Variants in NBAS observed in about 807,000 individuals in gnomAD.
NBAS encodes the protein NAG/BC035112 fusion.
Under a neutral mutation model 302.5 loss-of-function variants are expected in NBAS, and 219 were observed. The ratio of observed to expected loss-of-function variants is 0.72; its 90% CI spans 0.65 to 0.81. NBAS has a LOEUF of 0.81. Ranked by LOEUF, NBAS falls within the 30% of genes least tolerant of loss-of-function variation. NBAS has a pLI of 0.00. For missense variants in NBAS, 2,932 were observed against 2,841.6 expected (o/e 1.03, Z -0.72); for synonymous variants, 1,118 against 1,021.6 (o/e 1.09, Z -1.80).
At chr2:14,910,539 G>A in the NBAS span, among the ~76,000 whole-genome samples, 1 of 152,192 alleles carries the variant, frequency 6.6e-6, no homozygotes, top group Non-Finnish European at 1.5e-5. Context: ...TCTGAGCTAA[G>A]GAGACAAGAG....
At chr2:15,299,553 G>A (rs1213070309) in intron 40 of NBAS, among the ~76,000 whole-genome samples, 3 of 152,022 alleles carry the variant, frequency 2.0e-5, no homozygotes, top group Non-Finnish European at 4.4e-5. Flanking sequence ...TTTTCAATTA[G>A]TAGCTTAAAA....
At chr2:15,184,154 T>C (rs1029130276) in intron 50 of NBAS, among the ~76,000 whole-genome samples, 2 of 152,138 alleles carry the variant, frequency 1.3e-5, no homozygotes, top group Admixed American at 6.5e-5. Context: ...ATTACTGCCA[T>C]GGACACAGAT....
intron 32 of NBAS, among the ~76,000 whole-genome samples, chr2:15,359,889 A>G (rs1231047499): frequency 6.6e-6 from 1 of 152,112 alleles, no homozygotes; most frequent in Non-Finnish European, 1.5e-5. Context: ...GTCATTAGGC[A>G]TTTCCGTCTT....
the NBAS span, among the ~76,000 whole-genome samples, chr2:15,000,070 A>G: frequency 6.6e-6 from 1 of 152,216 alleles, no homozygotes; most frequent in African/African-American, 2.4e-5. Flanking sequence ...GTGAAAAATC[A>G]CAGTTCACTC....
intron 42 of NBAS, among the ~76,000 whole-genome samples, chr2:15,283,183 T>C (rs1237325319): frequency 6.6e-6 from 1 of 152,122 alleles, no homozygotes; most frequent in African/African-American, 2.4e-5. Flanking sequence ...ATAAATGTGG[T>C]ACTATTATAT....
chr2:15,533,563 G>A (rs569252707), intron 9 of NBAS, among the ~76,000 whole-genome samples: 2 of 152,214 alleles, frequency 1.3e-5, no homozygotes, highest in South Asian at 4.2e-4. Flanking sequence ...ATGAATGAGT[G>A]ATAAAACTAT....
intron 37 of NBAS, 34 bp downstream of exon 37, chr2:15,328,165 G>C (rs964725202): frequency 6.3e-7 from 1 of 1,584,888 alleles, no homozygotes; most frequent in South Asian, 1.1e-5. Flanking sequence ...CAGCATGACA[G>C]TTAAATCTAT....
rs1394972657 is a variant in NBAS at position 15,461,105 on chromosome 2, A to T, written c.2339+96T>A. 3 of 1,155,382 alleles carry T rather than the reference A, an allele frequency of 2.6e-6. No homozygotes were observed. The Admixed American group carries it at 6.9e-5, about 26-fold the overall frequency. 71.6% of individuals were successfully genotyped at this position (1,155,382 alleles called of 1,614,324 possible). A position where few individuals can be genotyped will look rare whatever the true frequency, so the allele number is the denominator to read the frequency against. On this transcript the variant is annotated intron_variant, in intron 21 of 51. Transcript: ENST00000281513. ...CAGGAAAAAAGTTTAAATATATTAC[A>T]TTAAAATTATTTTTTTTAACTTTAA...
chr2:15,155,134 A>G, the NBAS span, among the ~76,000 whole-genome samples: 1 of 152,214 alleles, frequency 6.6e-6, no homozygotes, highest in Non-Finnish European at 1.5e-5. Context: ...TCTCTAAAGG[A>G]TAGAGCAAGT....
chr2:15,431,713 G>A (rs955584105), intron 21 of NBAS, among the ~76,000 whole-genome samples: 13 of 152,078 alleles, frequency 8.5e-5, no homozygotes, highest in East Asian at 3.9e-4. Context: ...CAGAATCTAC[G>A]GTCTGAGAGT....
At chr2:15,041,840 T>C in the NBAS span, among the ~76,000 whole-genome samples, 171 of 152,282 alleles carry the variant, frequency 1.1e-3, 1 homozygote, top group Admixed American at 5.4e-3. Context: ...TGGTGTTCTA[T>C]TTTTTTCTTT....
At chr2:15,120,320 A>G in the NBAS span, among the ~76,000 whole-genome samples, 1 of 152,282 alleles carries the variant, frequency 6.6e-6, no homozygotes, top group South Asian at 2.1e-4. Flanking sequence ...ACAAACCTAC[A>G]ATGTGGATAT....
chr2:15,441,145 A>C (rs1478039233), intron 21 of NBAS, among the ~76,000 whole-genome samples: 1 of 152,214 alleles, frequency 6.6e-6, no homozygotes, highest in Non-Finnish European at 1.5e-5. Context: ...AGATTCAGGA[A>C]ATACAGAGAA....
At chr2:15,436,302 T>C (rs7603284) in intron 21 of NBAS, among the ~76,000 whole-genome samples, 2,642 of 152,330 alleles carry the variant, frequency 0.017, 68 homozygotes, top group African/African-American at 0.06. Context: ...TCACTGCTAC[T>C]GTAATTATTT....
chr2:15,378,236 A>T (rs1271768668), intron 30 of NBAS, among the ~76,000 whole-genome samples: 1 of 152,218 alleles, frequency 6.6e-6, no homozygotes, highest in Non-Finnish European at 1.5e-5. Flanking sequence ...ATGAATGAGG[A>T]TCAACACAAC....
the NBAS span, among the ~76,000 whole-genome samples, chr2:15,002,102 T>TA: frequency 6.6e-6 from 1 of 151,940 alleles, no homozygotes; most frequent in African/African-American, 2.4e-5. Context: ...ATTAGCTAGA[T>TA]ACAGAGTGTC....
chr2:15,082,231 A>T, the NBAS span, among the ~76,000 whole-genome samples: 58,179 of 152,028 alleles, frequency 0.38, 15,506 homozygotes, highest in African/African-American at 0.76. Context: ...ACAGCTCCTT[A>T]CTTATGCCCC....
intron 47 of NBAS, among the ~76,000 whole-genome samples, chr2:15,225,825 T>C (rs1351973067): frequency 6.6e-6 from 1 of 152,190 alleles, no homozygotes; most frequent in Admixed American, 6.5e-5. Context: ...CTCACGCTTG[T>C]GGGACATTCC....
At chr2:15,296,545 A>T (rs111409124) in intron 40 of NBAS, among the ~76,000 whole-genome samples, 1 of 28,132 alleles carries the variant, frequency 3.6e-5, no homozygotes, top group African/African-American at 1.3e-3. Flanking sequence ...AAAACAAAAC[A>T]AAAAAAAAAA....
Sources: gnomAD v4.1 joint callset for allele counts (sites outside exome capture counted in the v4.1 genomes callset) on GRCh38, gnomAD v4.1.1 for gene constraint, MANE v1.5 for transcripts, NCBI Gene and HGNC (gene_info 2026-07-23, HGNC 2026-07-21) for gene names.